The following CNST variants were observed in gnomAD, a reference collection of about 807,000 sequenced individuals.
CNST encodes consortin.
Under a neutral mutation model 72.4 loss-of-function variants are expected in CNST, and 39 were observed. That is an observed-to-expected ratio of 0.54 (90% CI 0.42 to 0.70). The LOEUF (loss-of-function observed/expected upper bound fraction) is 0.70. Ranked by LOEUF, CNST falls within the 30% of genes least tolerant of loss-of-function variation. CNST has a pLI of 0.00. For missense variants in CNST, 871 were observed against 868.5 expected (o/e 1.00, Z -0.04); for synonymous variants, 332 against 320.1 (o/e 1.04, Z -0.40).
chr1:246,635,894 C>G (rs1204715946), intron 6 of CNST, among the ~76,000 whole-genome samples: 2 of 152,164 alleles, frequency 1.3e-5, no homozygotes, highest in Non-Finnish European at 2.9e-5. Flanking sequence ...TTATCATACG[C>G]AGGGACTCCG....
At chr1:246,632,529 A>C in intron 4 of CNST, 1 of 179,616 alleles carries the variant, frequency 5.6e-6, no homozygotes, top group Non-Finnish European at 1.3e-5. Context: ...GTAAATCTCA[A>C]AGCTAGCTTG....
At chr1:246,605,204 TGGATAAA>T (rs917321240) in intron 2 of CNST, among the ~76,000 whole-genome samples, 6 of 152,224 alleles carry the variant, frequency 3.9e-5, no homozygotes, top group African/African-American at 1.4e-4. Context: ...GTACTTCCAA[TGGATAAA>T]CAATGAATTT....
chr1:246,575,204 G>A (rs968099738), intron 1 of CNST, among the ~76,000 whole-genome samples: 1 of 152,018 alleles, frequency 6.6e-6, no homozygotes, highest in Non-Finnish European at 1.5e-5. Context: ...ATGTTGGCCA[G>A]GCTGGTCTTG....
At chr1:246,649,286 A>G (rs1231502247) in intron 9 of CNST, among the ~76,000 whole-genome samples, 1 of 151,770 alleles carries the variant, frequency 6.6e-6, no homozygotes, top group Non-Finnish European at 1.5e-5. Flanking sequence ...ACACGTTTTG[A>G]TTGCAATGAA....
chr1:246,637,541 T>C (rs1343670726), intron 6 of CNST, among the ~76,000 whole-genome samples: 1 of 152,180 alleles, frequency 6.6e-6, no homozygotes, highest in Non-Finnish European at 1.5e-5. Flanking sequence ...AAGAGGGTGC[T>C]TTTGGTGTTG....
chr1:246,587,203 A>G (rs962141719), intron 1 of CNST, among the ~76,000 whole-genome samples: 2 of 152,198 alleles, frequency 1.3e-5, no homozygotes, highest in East Asian at 1.9e-4. Context: ...GGCTGAAGCA[A>G]GCTTCTCACC....
At chr1:246,634,382 TTA>T (rs1664993499) in intron 5 of CNST, 89 bp from the exon 6 acceptor site, 4 of 694,492 alleles carry the variant, frequency 5.8e-6, no homozygotes, top group South Asian at 2.0e-5. Flanking sequence ...ATGCAAATCT[TTA>T]TGAGTGGTGC....
chr1:246,647,718 C>G lies in CNST; in HGVS notation c.1517C>G (p.Ser506Cys), dbSNP rs368136880. Residue 506 changes from serine to cysteine, a missense_variant, in exon 9 of 11, where the codon TCT becomes TGT. Transcript: ENST00000366513. ...SPQAQADSDG[S>C]ENVLCGNNQI... Reference sequence around the variant, plus strand: ...CAGGCGCAGGCTGACTCAGACGGTTCTGAGAATGTGCTCTGTGGAAATAAT... The same window carrying G: ...CAGGCGCAGGCTGACTCAGACGGTTGTGAGAATGTGCTCTGTGGAAATAAT... 2 of 1,614,050 alleles carry G rather than the reference C, an allele frequency of 1.2e-6. No homozygotes were observed. The highest frequency in any genetic ancestry group is 2.7e-5 in the African/African-American group (2 of 74,922).
intron 1 of CNST, among the ~76,000 whole-genome samples, chr1:246,576,499 CTT>C (rs772014404): frequency 7.0e-6 from 1 of 142,094 alleles, no homozygotes; most frequent in Non-Finnish European, 1.5e-5. Flanking sequence ...TTTTTACATC[CTT>C]TTTTTTTTTT....
chr1:246,633,469 G>A (rs1664912228), intron 4 of CNST, among the ~76,000 whole-genome samples: 2 of 148,960 alleles, frequency 1.3e-5, no homozygotes, highest in Admixed American at 6.7e-5. Flanking sequence ...AAAGCTGGAC[G>A]CAGTGATTCA....
chr1:246,614,149 C>T (rs977781755), intron 2 of CNST, among the ~76,000 whole-genome samples: 6 of 151,944 alleles, frequency 3.9e-5, no homozygotes, highest in African/African-American at 1.5e-4. Context: ...ATGGAATATT[C>T]GCATATATAT....
intron 1 of CNST, chr1:246,566,904 C>A (rs1314424080): frequency 1.7e-5 from 6 of 363,150 alleles, no homozygotes; most frequent in Non-Finnish European, 2.4e-5. Context: ...TTTCTCCCTC[C>A]CTAGGGGACT....
intron 9 of CNST, among the ~76,000 whole-genome samples, chr1:246,653,583 G>T (rs182550677): frequency 6.6e-6 from 1 of 152,140 alleles, no homozygotes. Flanking sequence ...TCTAAAGAGC[G>T]CCCAAAGGAA....
intron 1 of CNST, among the ~76,000 whole-genome samples, chr1:246,569,387 A>G (rs1659924956): frequency 6.6e-6 from 1 of 152,184 alleles, no homozygotes; most frequent in South Asian, 2.1e-4. Flanking sequence ...AGTCACATGT[A>G]GCTAAATGTT....
intron 2 of CNST, among the ~76,000 whole-genome samples, chr1:246,596,537 T>A (rs574523582): frequency 6.6e-6 from 1 of 152,168 alleles, no homozygotes; most frequent in Non-Finnish European, 1.5e-5. Context: ...AGAAAAACAA[T>A]GGAAATTAAT....
Position 246,581,114 on chromosome 1 carries a change from T to C in CNST, c.-51-10398T>C, listed in dbSNP as rs186842485. Among the ~76,000 whole-genome samples the C allele has an allele frequency of 2.6e-3, 395 of 152,262 alleles. 4 individuals are homozygous for C. Among genetic ancestry groups the C allele is most frequent in the Non-Finnish European group, 4.0e-3 (273 of 68,010 alleles). ...ACTCACATCCTGATACTTCCTTGAG[T>C]AATAATCTTCTGTCTTTAGTTGCTA... On this transcript the variant is annotated intron_variant, in intron 1 of 10. Coordinates refer to ENST00000366513, the MANE Select transcript of CNST (RefSeq NM_152609.3).
rs577059099 is a variant in CNST at position 246,645,203 on chromosome 1, G to A, written c.938-1936G>A. Among the ~76,000 whole-genome samples the A allele has an allele frequency of 7.9e-5, 12 of 152,092 alleles. No homozygotes were observed. The East Asian group carries it at 9.7e-4, about 12-fold the overall frequency. On this transcript the variant is annotated intron_variant, in intron 8 of 10. Coordinates refer to ENST00000366513, the MANE Select transcript of CNST (RefSeq NM_152609.3). ...CTGAAATCTGCAGGCAATGTTTCAG[G>A]AATGCCTTTTGCTTGATATGGTATG...
At chr1:246,591,205 A>G (rs1235651627) in intron 1 of CNST, among the ~76,000 whole-genome samples, 1 of 152,148 alleles carries the variant, frequency 6.6e-6, no homozygotes, top group Non-Finnish European at 1.5e-5. Flanking sequence ...AGACTTACCT[A>G]GAGAACTTGA....
intron 2 of CNST, among the ~76,000 whole-genome samples, chr1:246,598,497 G>C (rs1018685752): frequency 1.3e-5 from 2 of 151,966 alleles, no homozygotes; most frequent in African/African-American, 4.8e-5. Flanking sequence ...TTCCATACTA[G>C]TTTAATGTCA....
Sources: gnomAD v4.1 joint callset for allele counts (sites outside exome capture counted in the v4.1 genomes callset) on GRCh38, gnomAD v4.1.1 for gene constraint, MANE v1.5 for transcripts, NCBI Gene and HGNC (gene_info 2026-07-23, HGNC 2026-07-21) for gene names.